CAMTA1: variants seen among roughly 807,000 people sequenced by gnomAD.
The protein encoded by CAMTA1 is calmodulin-binding transcription activator 1.
A neutral mutation model predicts 170.9 loss-of-function variants in CAMTA1; 27 were observed. The ratio of observed to expected loss-of-function variants is 0.16; its 90% CI spans 0.12 to 0.22. CAMTA1 has a LOEUF of 0.22. Ranked by LOEUF, CAMTA1 falls within the 10% of genes least tolerant of loss-of-function variation. CAMTA1 has a pLI of 1.00. For missense variants in CAMTA1, 1,619 were observed against 2,217.2 expected (o/e 0.73, Z 5.42); for synonymous variants, 833 against 891.5 (o/e 0.93, Z 1.17).
At chr1:7,125,903 T>C (rs918320912) in intron 4 of CAMTA1, among the ~76,000 whole-genome samples, 4 of 152,182 alleles carry the variant, frequency 2.6e-5, no homozygotes, top group Non-Finnish European at 5.9e-5. Flanking sequence ...TCCATCTTTA[T>C]GCTGCTGATA....
intron 3 of CAMTA1, among the ~76,000 whole-genome samples, chr1:6,977,162 C>T (rs533847839): frequency 1.1e-4 from 17 of 152,166 alleles, no homozygotes; most frequent in African/African-American, 3.6e-4. Flanking sequence ...TGGGTCGGGT[C>T]CTGCTGTTGG....
chr1:7,208,530 A>C (rs1276215394), intron 4 of CAMTA1, among the ~76,000 whole-genome samples: 1 of 152,208 alleles, frequency 6.6e-6, no homozygotes, highest in Non-Finnish European at 1.5e-5. Flanking sequence ...CTTGAAAACC[A>C]TGTGATTCTG....
intron 6 of CAMTA1, among the ~76,000 whole-genome samples, chr1:7,639,998 C>T (rs1295470336): frequency 6.6e-6 from 1 of 152,078 alleles, no homozygotes; most frequent in Non-Finnish European, 1.5e-5. Flanking sequence ...GGCTGTGGTG[C>T]GAGGTCAGGG....
chr1:7,428,349 A>G (rs953243003), intron 5 of CAMTA1, among the ~76,000 whole-genome samples: 3 of 151,944 alleles, frequency 2.0e-5, no homozygotes, highest in Non-Finnish European at 2.9e-5. Flanking sequence ...TATCTGTTGT[A>G]TGAATGGGAT....
At chr1:7,183,653 G>A (rs1652673963) in intron 4 of CAMTA1, among the ~76,000 whole-genome samples, 1 of 152,204 alleles carries the variant, frequency 6.6e-6, no homozygotes, top group Admixed American at 6.5e-5. Flanking sequence ...GAAAAAGAAA[G>A]AGGATGGTTT....
rs572820962 is a variant in CAMTA1, at chr1:7,514,269, GC to G, written c.510+46370del. Among the ~76,000 whole-genome samples the G allele has an allele frequency of 1.1e-4, 16 of 152,302 alleles. No individual in the cohort carries two copies. In the East Asian group the frequency reaches 2.9e-3, roughly 28 times the overall value. ...CTCCTTAGACCTCCAGCCCTTCCTA[GC>G]CAGACCCCACCCCAAGAGGAAACAA... On this transcript the variant is annotated intron_variant, in intron 6 of 22. Coordinates refer to ENST00000303635, the MANE Select transcript of CAMTA1 (RefSeq NM_015215.4).
chr1:6,886,231 T>C, intron 3 of CAMTA1: 1 of 456,024 alleles, frequency 2.2e-6, no homozygotes, highest in South Asian at 1.5e-5. Flanking sequence ...ACTGTTTTTG[T>C]TTATACAGGT....
At position 6,820,266 on chromosome 1, in the gene CAMTA1, G is replaced by A; in HGVS notation, c.115+16G>A. 6.2e-7 allele frequency: 1 copy of A among 1,613,818 alleles called. No individual in the cohort carries two copies. The highest frequency in any genetic ancestry group is 1.3e-5 in the African/African-American group (1 of 75,022). On this transcript the variant is annotated intron_variant, in intron 2 of 22. Coordinates refer to ENST00000303635, the MANE Select transcript of CAMTA1 (RefSeq NM_015215.4). The stretch of plus-strand genomic sequence containing the variant: ...CCTATAGAAGGTAGGATTTGAAAAA[G>A]CTTTTGACTTACAGGAAGGGGTGGG...
chr1:7,704,211 C>A (rs1213736885), intron 11 of CAMTA1, among the ~76,000 whole-genome samples: 1 of 147,496 alleles, frequency 6.8e-6, no homozygotes, highest in Non-Finnish European at 1.5e-5. Context: ...AGCCCGGGAA[C>A]GCGGGCCCTC....
rs1024326207 is a variant in CAMTA1, at chr1:7,063,089, T to C, written c.235-28215T>C. 6.6e-6 allele frequency among the ~76,000 whole-genome samples: 1 copy of C among 152,200 alleles called. No homozygotes were observed. Among genetic ancestry groups the C allele is most frequent in the African/African-American group, 2.4e-5 (1 of 41,452 alleles). On this transcript the variant is annotated intron_variant, in intron 3 of 22. Transcript: ENST00000303635. This position sits in a 1 kb window ranked among gnomAD's most constrained non-coding sequence, Gnocchi z 4.3. ...GGGAACACGGATTCATTTTTCTCAC[T>C]TCCCTAACAAAATATAAACTGCAGG...
In CAMTA1 at chr1:7,663,633, C is replaced by T. The variant is rs141980486; in HGVS notation, c.1086C>T (p.Ile362=). 45 of 1,614,188 alleles carry T rather than the reference C, an allele frequency of 2.8e-5. No individual in the cohort carries two copies. In the African/African-American group the frequency reaches 5.6e-4, roughly 20 times the overall value. Reference sequence around the variant, plus strand: ...CCACCCAGAGCTCCCCTGTGTCCATCAGCAGCGGGCTCAACAGCGACCCGG... The same window carrying T: ...CCACCCAGAGCTCCCCTGTGTCCATTAGCAGCGGGCTCAACAGCGACCCGG... ...PDTTQSSPVS[I]SSGLNSDPDM... is the part of the protein sequence containing the mutation. The change falls in exon 9 of 23, where the codon ATC becomes ATT. Residue 362 remains isoleucine, a synonymous_variant. Coordinates refer to ENST00000303635, the MANE Select transcript of CAMTA1 (RefSeq NM_015215.4).
chr1:7,418,965 G>T (rs2091381999), intron 5 of CAMTA1, among the ~76,000 whole-genome samples: 1 of 152,140 alleles, frequency 6.6e-6, no homozygotes, highest in African/African-American at 2.4e-5. Flanking sequence ...GTCAGATCAG[G>T]TCACTGCCCG....
chr1:7,746,880 G>A (rs60972594), intron 18 of CAMTA1, among the ~76,000 whole-genome samples: 28,650 of 152,088 alleles, frequency 0.19, 3,063 homozygotes, highest in Admixed American at 0.29. Flanking sequence ...CAAGTGATCC[G>A]CCTGCCTTGG....
At chr1:7,230,761 T>C (rs1340063739) in intron 4 of CAMTA1, among the ~76,000 whole-genome samples, 2 of 152,148 alleles carry the variant, frequency 1.3e-5, no homozygotes, top group South Asian at 2.1e-4. Flanking sequence ...AGGTGACTCC[T>C]GGACCCAGCC....
At chr1:7,086,032 T>C (rs894633793) in intron 3 of CAMTA1, among the ~76,000 whole-genome samples, 13 of 152,138 alleles carry the variant, frequency 8.5e-5, no homozygotes, top group African/African-American at 2.9e-4. Context: ...CTGTATCTGC[T>C]GAACAGATAC....
At chr1:7,493,256 T>C in intron 6 of CAMTA1, among the ~76,000 whole-genome samples, 1 of 124,244 alleles carries the variant, frequency 8.0e-6, no homozygotes, top group Admixed American at 8.2e-5. Flanking sequence ...CACACAAACC[T>C]ACGTACACAC....
intron 6 of CAMTA1, among the ~76,000 whole-genome samples, chr1:7,631,116 A>T (rs925962729): frequency 6.6e-6 from 1 of 152,154 alleles, no homozygotes; most frequent in Admixed American, 6.5e-5. Flanking sequence ...TGGGCCCTTG[A>T]TGTGGAGACA....
intron 5 of CAMTA1, among the ~76,000 whole-genome samples, chr1:7,368,763 G>A (rs369407690): frequency 4.9e-4 from 74 of 152,274 alleles, no homozygotes; most frequent in African/African-American, 1.6e-3. Flanking sequence ...GTGGTGTTCC[G>A]CACATGTTGT....
At chr1:7,745,261 C>T (rs1421838137) in intron 17 of CAMTA1, among the ~76,000 whole-genome samples, 2 of 152,162 alleles carry the variant, frequency 1.3e-5, no homozygotes, top group Admixed American at 6.5e-5. Flanking sequence ...CGCGGTGGCT[C>T]ATGCCTGTAA....
Sources: gnomAD v4.1 joint callset for allele counts (sites outside exome capture counted in the v4.1 genomes callset) on GRCh38, gnomAD v4.1.1 for gene constraint, Gnocchi (gnomAD v3.1) non-coding constraint, MANE v1.5 for transcripts, NCBI Gene and HGNC (gene_info 2026-07-23, HGNC 2026-07-21) for gene names.